Variants in TTN observed in about 807,000 individuals in gnomAD.
The protein encoded by TTN is connectin.
Under a neutral mutation model 3,223.0 loss-of-function variants are expected in TTN, and 1,525 were observed. That is an observed-to-expected ratio of 0.47 (90% CI 0.45 to 0.49). The LOEUF is 0.49. Ranked by LOEUF, TTN falls within the 20% of genes least tolerant of loss-of-function variation. The probability of loss-of-function intolerance (pLI) is 0.00; values close to 1 mark genes in which losing one functional copy is unlikely to be tolerated. For synonymous variants in TTN, 14,094 were observed against 15,161.0 expected, an observed-to-expected ratio of 0.93 and a Z score of 5.17; for missense variants, 40,786 against 43,424.0, an observed-to-expected ratio of 0.94 and a Z score of 5.40.
chr2:178,740,262 T>G lies in TTN; in HGVS notation c.12971A>C (p.Glu4324Ala). 1 of 1,613,650 alleles carries G rather than the reference T, an allele frequency of 6.2e-7. No individual in the cohort carries two copies. Among genetic ancestry groups the G allele is most frequent in the East Asian group, 2.2e-5 (1 of 44,854 alleles). Residue 4324 changes from glutamate (E) to alanine (A), a missense_variant, in exon 48 of 363, where the codon GAA becomes GCA. By Grantham distance (107) the Glu-to-Ala change is moderately radical (BLOSUM62 -1). Transcript: ENST00000589042. ...AGQDSAVRIE[E>A]GKSLRFPLAL... ...TAGTGGAAATCTTAAGGACTTGCCT[T>G]CCTCAATTCTGACCGCAGAATCTTG...
chr2:178,574,358 A>G lies in TTN; in HGVS notation c.71774T>C (p.Ile23925Thr), dbSNP rs374887185. The G allele has an allele frequency of 6.2e-6, 10 of 1,613,580 alleles. No individual in the cohort carries two copies. Among genetic ancestry groups the G allele is most frequent in the Admixed American group, 1.7e-5 (1 of 60,002 alleles). ...AGGTACTGGTTTTCCAGGTGGGTCA[A>G]TGGGATCCAGAGCCAACATAGGTTC... ...PSEPMLALDPIDPPGKPVPLN... is the reference protein window; with the variant it reads ...PSEPMLALDPTDPPGKPVPLN... The change falls in exon 326 of 363, where the codon ATT becomes ACT. Residue 23925 changes from isoleucine (I) to threonine (T), a missense_variant. Transcript: ENST00000589042.
At chr2:178,750,873 T>C (rs1192566629) in intron 47 of TTN, 1 of 1,613,016 alleles carries the variant, frequency 6.2e-7, no homozygotes, top group Non-Finnish European at 8.5e-7. Context: ...GTATTGGCCA[T>C]AATTTCTTCC....
In TTN at chr2:178,777,806, C is replaced by T. The variant is rs771127151; in HGVS notation, c.4378G>A (p.Val1460Met). ...CATTTGAAAGAAACAGGTTTTAACA[C>T]AAAGACTGGTTTATATAGTCTCTCA... ...QLERLYKPVF[V>M]LKPVSFKCLE... is the part of the protein sequence containing the mutation. The change falls in exon 25 of 363, where the codon GTG (valine) becomes ATG (methionine). Residue 1460 changes from valine to methionine, a missense_variant. By Grantham distance (21) the Val-to-Met change is conservative (BLOSUM62 1). Transcript: ENST00000589042. 5 of 1,613,888 alleles carry T rather than the reference C, an allele frequency of 3.1e-6. No individual in the cohort carries two copies. Among genetic ancestry groups the T allele is most frequent in the Admixed American group, 1.7e-5 (1 of 59,992 alleles).
intron 2 of TTN, among the ~76,000 whole-genome samples, chr2:178,802,903 C>T (rs2094138177): frequency 1.3e-5 from 2 of 152,160 alleles, no homozygotes; most frequent in African/African-American, 4.8e-5. Flanking sequence ...GTAACATGGA[C>T]AAGCAATTTC....
chr2:178,744,815 T>C (rs1574139409), intron 47 of TTN: 2 of 985,046 alleles, frequency 2.0e-6, no homozygotes, highest in Admixed American at 6.2e-5. Flanking sequence ...TTACACTTGA[T>C]GTCATCTCAA....
chr2:178,576,862 A>G lies in TTN; in HGVS notation c.69413-31T>C, dbSNP rs771852919. 3 of 1,602,568 alleles carry G rather than the reference A, an allele frequency of 1.9e-6. No individual in the cohort carries two copies. Among genetic ancestry groups the G allele is most frequent in the African/African-American group, 2.7e-5 (2 of 73,798 alleles). Reference sequence around the variant, plus strand: ...AAGGAAGCAAATTTATTAGAAATCCATGATTTCCTAAACTCTGCTATAAAT... The same window carrying G: ...AAGGAAGCAAATTTATTAGAAATCCGTGATTTCCTAAACTCTGCTATAAAT... On this transcript the variant is annotated intron_variant, in intron 324 of 362. Coordinates refer to ENST00000589042, the MANE Select transcript of TTN (RefSeq NM_001267550.2). The surrounding 1 kb of genome is among the most constrained non-coding windows in gnomAD (Gnocchi z 4.3).
At position 178,530,642 on chromosome 2, in the gene TTN, T is replaced by G; in HGVS notation, c.105973A>C (p.Lys35325Gln). ...TGGAAATGCCCATTTTCCTTCAGTT[T>G]CTTGCCATCTTTATACCAGGTGACC... ...KEVTWYKDGK[K>Q]LKENGHFQFH... is the part of the protein sequence containing the mutation. Residue 35325 changes from lysine (K) to glutamine (Q), a missense_variant, in exon 358 of 363, where the codon AAA becomes CAA. Lys to Gln is a moderately conservative substitution (Grantham distance 53). Transcript: ENST00000589042. 6.2e-7 allele frequency: 1 copy of G among 1,614,032 alleles called. No homozygotes were observed. The highest frequency in any genetic ancestry group is 8.5e-7 in the Non-Finnish European group (1 of 1,179,890).
intron 6 of TTN, among the ~76,000 whole-genome samples, chr2:178,796,216 A>C (rs1012686602): frequency 6.6e-6 from 1 of 152,212 alleles, no homozygotes; most frequent in Non-Finnish European, 1.5e-5. Context: ...AATTTTTTTC[A>C]GAACTGATTT....
rs796392077 is a variant in TTN at position 178,604,128 on chromosome 2, A to C, written c.54559T>G (p.Trp18187Gly). Residue 18187 changes from tryptophan (W) to glycine (G), a missense_variant, in exon 282 of 363, where the codon TGG (tryptophan) becomes GGG (glycine). By Grantham distance (184) the Trp-to-Gly change is radical. Coordinates refer to ENST00000589042, the MANE Select transcript of TTN (RefSeq NM_001267550.2). ...CCACCATTGTCCAAAGGAGGAGTCCAGCTCACTAGCATTGATCCTTTGGTG... is the reference window on the plus strand; with the variant it reads ...CCACCATTGTCCAAAGGAGGAGTCCCGCTCACTAGCATTGATCCTTTGGTG... ...ARTKGSMLVS[W>G]TPPLDNGGSP... The C allele has an allele frequency of 1.9e-6, 3 of 1,612,430 alleles. No homozygotes were observed. The African/African-American group carries it at 4.0e-5, about 22-fold the overall frequency.
intron 43 of TTN, chr2:178,760,792 A>T (rs889039405): frequency 3.9e-5 from 6 of 152,132 alleles, no homozygotes; most frequent in Non-Finnish European, 8.8e-5. Context: ...ACACGCCAAA[A>T]GACAGTGCCA....
At position 178,560,499 on chromosome 2, in the gene TTN, G is replaced by A; in HGVS notation, c.85633C>T (p.Leu28545=). 1 of 1,612,924 alleles carries A rather than the reference G, an allele frequency of 6.2e-7. No homozygotes were observed. Among genetic ancestry groups the A allele is most frequent in the Non-Finnish European group, 8.5e-7 (1 of 1,179,424 alleles). ...EPLESVAIKA[L]DPFTVPSPPT... ...GGACTTGGAACTGTAAATGGATCTA[G>A]TGCCTTTATAGCTACACTCTCTAGG... The change falls in exon 326 of 363, where the codon CTA becomes TTA. Residue 28545 remains leucine, a synonymous_variant. Coordinates refer to ENST00000589042, the MANE Select transcript of TTN (RefSeq NM_001267550.2).
In TTN at chr2:178,618,081, T is replaced by C; in HGVS notation, c.47270A>G (p.Asp15757Gly). 6.2e-7 allele frequency: 1 copy of C among 1,611,854 alleles called. No homozygotes were observed. Among genetic ancestry groups the C allele is most frequent in the Admixed American group, 1.7e-5 (1 of 59,778 alleles). ...TACATTCAAAGGAGGGCCTGGAACATCTGGATTTCACCACAGAAGAAGAAA... is the reference window on the plus strand; with the variant it reads ...TACATTCAAAGGAGGGCCTGGAACACCTGGATTTCACCACAGAAGAAGAAA... Reference protein sequence around the residue: ...DNPVEARSKYDVPGPPLNVTI... With the variant: ...DNPVEARSKYGVPGPPLNVTI... Residue 15757 changes from aspartate (D) to glycine (G), a missense_variant and splice_region_variant, in exon 253 of 363, where the codon GAT becomes GGT. Transcript: ENST00000589042.
intron 112 of TTN, among the ~76,000 whole-genome samples, chr2:178,697,969 G>C (rs534563981): frequency 6.6e-6 from 1 of 152,182 alleles, no homozygotes; most frequent in Non-Finnish European, 1.5e-5. Flanking sequence ...TATTCACAAA[G>C]ACCAAGTTAT....
chr2:178,588,546 T>C lies in TTN; in HGVS notation c.63179A>G (p.Asp21060Gly). The C allele has an allele frequency of 6.6e-7, 1 of 1,524,370 alleles. No homozygotes were observed. Among genetic ancestry groups the C allele is most frequent in the Non-Finnish European group, 8.8e-7 (1 of 1,139,868 alleles). The allele number at this position is 1,524,370 out of a possible 1,614,324, so 94.4% of individuals were successfully genotyped here. The change falls in exon 304 of 363, where the codon GAC becomes GGC. Residue 21060 changes from aspartate to glycine, a missense_variant. Asp to Gly is a moderately conservative substitution (Grantham distance 94). Transcript: ENST00000589042. ...SLPSRPVVAKDPIEPPGPPTN... is the reference protein window; with the variant it reads ...SLPSRPVVAKGPIEPPGPPTN... ...AAACAAGGACATCCTACCTATGGGG[T>C]CTTTTGCCACCACCGGTCTTGAAGG...
chr2:178,738,383 T>C (rs765157689), intron 48 of TTN, 23 bp from the exon 49 acceptor site: 8 of 1,591,982 alleles, frequency 5.0e-6, no homozygotes, highest in Non-Finnish European at 6.9e-6. Flanking sequence ...GTAGAGTCCA[T>C]TAACATGCCT....
Position 178,538,623 on chromosome 2 carries a change from T to C in TTN, c.99206A>G (p.Tyr33069Cys), listed in dbSNP as rs377399232. ...TIGGLLEATE[Y>C]EFRVFAENET... is the part of the protein sequence containing the mutation. ...ATTCTCAGCAAAAACCCTGAATTCA[T>C]ACTCAGTAGCTTCCAGCAAACCTCC... Residue 33069 changes from tyrosine to cysteine, a missense_variant, in exon 354 of 363, where the codon TAT becomes TGT. Transcript: ENST00000589042. The C allele has an allele frequency of 6.2e-7, 1 of 1,613,652 alleles. No homozygotes were observed. The highest frequency in any genetic ancestry group is 8.5e-7 in the Non-Finnish European group (1 of 1,179,728).
Position 178,576,285 on chromosome 2 carries a change from C to A in TTN, c.69847G>T (p.Gly23283Ter). The change falls in exon 326 of 363, where the codon GGA (glycine) becomes TGA (stop). Residue 23283 changes from glycine to a stop codon, truncating the protein, a stop_gained. Transcript: ENST00000589042. LOFTEE classifies it high-confidence loss of function. This position sits in a 1 kb window ranked among gnomAD's most constrained non-coding sequence, Gnocchi z 4.3. ...TGYVVEHQKV[G>*]DEAWIKDTTG... ...GTATCTTTTATCCAGGCCTCGTCTCCTACTTTTTGATGCTCCACGACATAG... is the reference window on the plus strand; with the variant it reads ...GTATCTTTTATCCAGGCCTCGTCTCATACTTTTTGATGCTCCACGACATAG... The A allele has an allele frequency of 6.2e-7, 1 of 1,602,272 alleles. No individual in the cohort carries two copies. The highest frequency in any genetic ancestry group is 8.5e-7 in the Non-Finnish European group (1 of 1,175,130).
chr2:178,647,211 CAT>C, intron 214 of TTN, 67 bp from the exon 215 acceptor site: 1 of 1,140,342 alleles, frequency 8.8e-7, no homozygotes, highest in Non-Finnish European at 1.2e-6. Flanking sequence ...ACTATTCTAA[CAT>C]ATCAACCTAG....
intron 143 of TTN, 68 bp downstream of exon 143, chr2:178,678,679 A>T: frequency 6.8e-7 from 1 of 1,461,928 alleles, no homozygotes; most frequent in Non-Finnish European, 9.4e-7. Flanking sequence ...GTACAGAATT[A>T]AACCAATTAA....
Sources: allele counts gnomAD v4.1 joint callset (sites outside exome capture counted in the v4.1 genomes callset), GRCh38; gene constraint gnomAD v4.1.1; non-coding constraint Gnocchi (gnomAD v3.1); transcripts MANE v1.5; gene names NCBI Gene and HGNC (gene_info 2026-07-23, HGNC 2026-07-21).